TBCA: variants seen among roughly 807,000 people sequenced by gnomAD.
The protein encoded by TBCA is tubulin folding cofactor A, also known as tubulin-specific chaperone A.
In TBCA, 6 loss-of-function variants were observed where a neutral mutation model predicts 15.8. The ratio of observed to expected loss-of-function variants is 0.38; its 90% confidence interval spans 0.21 to 0.75. The LOEUF (loss-of-function observed/expected upper bound fraction) is 0.75. Ranked by LOEUF, TBCA falls within the 30% of genes least tolerant of loss-of-function variation. TBCA has a pLI of 0.46. For synonymous variants in TBCA, 32 were observed against 42.3 expected (o/e 0.76, Z 0.94); for missense variants, 90 against 131.2 (o/e 0.69, Z 1.53).
intron 1 of TBCA, among the ~76,000 whole-genome samples, chr5:77,770,237 C>T (rs952696482): frequency 1.3e-5 from 2 of 151,930 alleles, no homozygotes; most frequent in South Asian, 2.1e-4. Context: ...ATCAATTCTG[C>T]ATTTTCTCCT....
chr5:77,755,886 C>T (rs2112499276), intron 1 of TBCA, among the ~76,000 whole-genome samples: 1 of 152,212 alleles, frequency 6.6e-6, no homozygotes, highest in East Asian at 1.9e-4. Context: ...TGCCTGTAAT[C>T]CCAGCTACTC....
intron 2 of TBCA, among the ~76,000 whole-genome samples, chr5:77,704,587 T>TA (rs1349159785): frequency 2.0e-5 from 3 of 152,086 alleles, no homozygotes; most frequent in Non-Finnish European, 4.4e-5. Flanking sequence ...AAAGGCACAA[T>TA]AAATGTTAAG....
intron 1 of TBCA, among the ~76,000 whole-genome samples, chr5:77,708,937 C>T (rs1213485410): frequency 1.3e-5 from 2 of 150,772 alleles, no homozygotes; most frequent in Admixed American, 6.6e-5. Flanking sequence ...AATGTGAAAG[C>T]GATACTCAAA....
intron 1 of TBCA, among the ~76,000 whole-genome samples, chr5:77,762,969 C>T (rs1369185354): frequency 6.6e-6 from 1 of 152,166 alleles, no homozygotes; most frequent in Non-Finnish European, 1.5e-5. Context: ...AGCGGCCGGG[C>T]GCGGTGGCTC....
chr5:77,747,149 C>T (rs1387748678), intron 1 of TBCA, among the ~76,000 whole-genome samples: 2 of 151,790 alleles, frequency 1.3e-5, no homozygotes. Flanking sequence ...CACTTACCAG[C>T]CAAATCTCTA....
intron 1 of TBCA, among the ~76,000 whole-genome samples, chr5:77,741,458 AG>A (rs1194204849): frequency 9.2e-5 from 14 of 152,220 alleles, no homozygotes; most frequent in African/African-American, 3.4e-4. Context: ...GTGCGATGCA[AG>A]TAAGTCTGTA....
In TBCA at chr5:77,712,918, A is replaced by C. The variant is rs186576696; in HGVS notation, c.54-4571T>G. Among the ~76,000 whole-genome samples the C allele has an allele frequency of 3.0e-3, 462 of 152,258 alleles. 4 individuals carry two copies. Among genetic ancestry groups the C allele is most frequent in the South Asian group, 7.9e-3 (38 of 4,818 alleles). Reference sequence around the variant, plus strand: ...GGGTTTTCAAAGTAAGGGATTATGGACCTGTATTAACATTTTGAGTACTGT... The same window carrying C: ...GGGTTTTCAAAGTAAGGGATTATGGCCCTGTATTAACATTTTGAGTACTGT... On this transcript the variant is annotated intron_variant, in intron 1 of 3. Coordinates refer to ENST00000380377, the MANE Select transcript of TBCA (RefSeq NM_004607.3).
intron 1 of TBCA, among the ~76,000 whole-genome samples, chr5:77,763,400 A>G (rs1171138666): frequency 2.0e-5 from 3 of 152,240 alleles, no homozygotes; most frequent in African/African-American, 7.2e-5. Flanking sequence ...GAATTCCCAC[A>G]TAATGCAGCT....
At chr5:77,730,742 A>G (rs1211580311) in intron 1 of TBCA, among the ~76,000 whole-genome samples, 1 of 152,022 alleles carries the variant, frequency 6.6e-6, no homozygotes, top group African/African-American at 2.4e-5. Flanking sequence ...CATCCATCCA[A>G]TATTTACCAA....
At chr5:77,708,403 A>C in intron 1 of TBCA, 56 bp from the exon 2 acceptor site, 3 of 1,028,540 alleles carry the variant, frequency 2.9e-6, no homozygotes, top group Non-Finnish European at 4.4e-6. Flanking sequence ...GACCATAAGA[A>C]AGAAACTGTG....
At chr5:77,761,134 G>A (rs927940146) in intron 1 of TBCA, among the ~76,000 whole-genome samples, 10 of 150,686 alleles carry the variant, frequency 6.6e-5, no homozygotes, top group African/African-American at 1.5e-4. Flanking sequence ...CAACAGCTCC[G>A]AAGAGACAGC....
At chr5:77,744,261 T>A (rs1747117769) in intron 1 of TBCA, among the ~76,000 whole-genome samples, 1 of 152,094 alleles carries the variant, frequency 6.6e-6, no homozygotes, top group Admixed American at 6.5e-5. Context: ...TTGTGACAAT[T>A]TCTGGAGACA....
At chr5:77,737,744 G>A (rs910406998) in intron 1 of TBCA, among the ~76,000 whole-genome samples, 5 of 152,206 alleles carry the variant, frequency 3.3e-5, no homozygotes, top group African/African-American at 1.2e-4. Context: ...TTACAAAGCT[G>A]ATATATTCTG....
Position 77,758,709 on chromosome 5 carries a change from G to A in TBCA, c.53+17496C>T, listed in dbSNP as rs542717418. Among the ~76,000 whole-genome samples the A allele has an allele frequency of 4.0e-5, 6 of 150,906 alleles. No individual in the cohort carries two copies. In the South Asian group the frequency reaches 1.1e-3, roughly 27 times the overall value. On this transcript the variant is annotated intron_variant, in intron 1 of 3. Coordinates refer to ENST00000380377, the MANE Select transcript of TBCA (RefSeq NM_004607.3). ...GTAGTGCTCTCCTTACACTTGGGAGGTGAGCATGCACAGTGTGTTTAGGAA... is the reference window on the plus strand; with the variant it reads ...GTAGTGCTCTCCTTACACTTGGGAGATGAGCATGCACAGTGTGTTTAGGAA...
intron 1 of TBCA, among the ~76,000 whole-genome samples, chr5:77,751,196 G>C (rs1198394346): frequency 9.0e-6 from 1 of 110,820 alleles, no homozygotes; most frequent in Non-Finnish European, 1.7e-5. Flanking sequence ...ACACAGTTTC[G>C]CTCTTGTTGC....
intron 1 of TBCA, among the ~76,000 whole-genome samples, chr5:77,746,290 A>AT (rs552421328): frequency 6.6e-6 from 1 of 152,118 alleles, no homozygotes; most frequent in African/African-American, 2.4e-5. Context: ...AAAATAAATA[A>AT]TTTTTTTAAT....
chr5:77,708,880 A>T (rs1022010382), intron 1 of TBCA, among the ~76,000 whole-genome samples: 1 of 152,066 alleles, frequency 6.6e-6, no homozygotes, highest in African/African-American at 2.4e-5. Flanking sequence ...AAAGCATGAA[A>T]TTCTTAATTT....
At chr5:77,763,374 T>TGTGG (rs1747693055) in intron 1 of TBCA, among the ~76,000 whole-genome samples, 1 of 152,202 alleles carries the variant, frequency 6.6e-6, no homozygotes, top group African/African-American at 2.4e-5. Context: ...TTGGAGAGGA[T>TGTGG]GTGGGTCAAT....
At chr5:77,750,225 CAT>C (rs1201777108) in intron 1 of TBCA, among the ~76,000 whole-genome samples, 1 of 151,312 alleles carries the variant, frequency 6.6e-6, no homozygotes, top group Non-Finnish European at 1.5e-5. Flanking sequence ...GTATGATATA[CAT>C]ATGATATATA....
Sources: allele counts gnomAD v4.1 joint callset (sites outside exome capture counted in the v4.1 genomes callset), GRCh38; gene constraint gnomAD v4.1.1; transcripts MANE v1.5; gene names NCBI Gene and HGNC (gene_info 2026-07-23, HGNC 2026-07-21).